Variants in WWOX observed in about 807,000 individuals in gnomAD.
The protein encoded by WWOX is WW domain containing oxidoreductase.
In WWOX, 69 loss-of-function variants were observed where a neutral mutation model predicts 46.2. The observed-to-expected ratio is 1.49, with a 90% CI of 1.23 to 1.82. WWOX has a LOEUF of 1.82. Among genes scored for constraint, WWOX ranks in the 40% most tolerant of loss-of-function variants. WWOX has a pLI of 0.00. For missense variants in WWOX, 919 were observed against 542.6 expected, an observed-to-expected ratio of 1.69 and a Z score of -6.89; for synonymous variants, 359 against 202.6, an observed-to-expected ratio of 1.77 and a Z score of -6.56.
chr16:78,355,287 A>G (rs1466407478), intron 5 of WWOX, among the ~76,000 whole-genome samples: 2 of 151,994 alleles, frequency 1.3e-5, no homozygotes, highest in Admixed American at 6.6e-5. Flanking sequence ...ACATATACGT[A>G]TATGTATGTG....
At chr16:78,728,348 T>C (rs2048886558) in intron 8 of WWOX, among the ~76,000 whole-genome samples, 1 of 152,070 alleles carries the variant, frequency 6.6e-6, no homozygotes, top group Non-Finnish European at 1.5e-5. Context: ...AGGATGATGA[T>C]AGGCAGGAGC....
chr16:79,036,716 G>C (rs959291662), intron 8 of WWOX, among the ~76,000 whole-genome samples: 2 of 152,222 alleles, frequency 1.3e-5, no homozygotes, highest in Non-Finnish European at 2.9e-5. Flanking sequence ...GGATTGATTA[G>C]TGATGTCTGC....
intron 8 of WWOX, among the ~76,000 whole-genome samples, chr16:78,509,450 AATAAT>A (rs1220852516): frequency 3.3e-5 from 5 of 151,582 alleles, no homozygotes; most frequent in African/African-American, 1.2e-4. Context: ...AAAAAAAAAA[AATAAT>A]ATAATAATAA....
At chr16:78,367,776 G>A (rs951524199) in intron 5 of WWOX, among the ~76,000 whole-genome samples, 8 of 150,204 alleles carry the variant, frequency 5.3e-5, no homozygotes, top group South Asian at 4.2e-4. Context: ...TTTTTGTTTC[G>A]AGATGGAGTC....
intron 5 of WWOX, among the ~76,000 whole-genome samples, chr16:78,364,952 A>C (rs1254315652): frequency 6.6e-6 from 1 of 152,148 alleles, no homozygotes; most frequent in Non-Finnish European, 1.5e-5. Flanking sequence ...CCTGGTCCCC[A>C]ACCTTTCTTC....
At chr16:78,908,477 C>T (rs539790604) in intron 8 of WWOX, among the ~76,000 whole-genome samples, 1 of 151,008 alleles carries the variant, frequency 6.6e-6, no homozygotes, top group African/African-American at 2.4e-5. Context: ...GAGGCAGAGG[C>T]TGCAGTGAGT....
In WWOX at chr16:79,025,804, C is replaced by CTTTTTTTTTTTTTTTTTTTT. The variant is rs60681938; in HGVS notation, c.1057-185793_1057-185792insTTTTTTTTTTTTTTTTTTTT. Among the ~76,000 whole-genome samples the CTTTTTTTTTTTTTTTTTTTT allele has an allele frequency of 1.9e-5, 2 of 104,092 alleles. 1 individual carries two copies. 68.3% of individuals were successfully genotyped at this position (104,092 alleles called of 152,430 possible). ...TTCTTTGCTTTGCTTTGCTTGCTTG[C>CTTTTTTTTTTTTTTTTTTTT]TTTTTTTTTTTGAGACGGAGTTTTG... On this transcript the variant is annotated intron_variant, in intron 8 of 8. Coordinates refer to ENST00000566780, the MANE Select transcript of WWOX (RefSeq NM_016373.4).
chr16:78,918,599 A>T (rs2045305938), intron 8 of WWOX, among the ~76,000 whole-genome samples: 1 of 152,198 alleles, frequency 6.6e-6, no homozygotes, highest in Non-Finnish European at 1.5e-5. Flanking sequence ...TATTTTGTGT[A>T]TTCCTGGCAG....
At position 79,041,487 on chromosome 16, in the gene WWOX, G is replaced by C. The variant is rs545274002; in HGVS notation, c.1057-170121G>C. On this transcript the variant is annotated intron_variant, in intron 8 of 8. Coordinates refer to ENST00000566780, the MANE Select transcript of WWOX (RefSeq NM_016373.4). ...CCAGTTTCTCATTAGGAACCTGGAT[G>C]ATGGAGCAGGGATCATGCTCATTAA... Among the ~76,000 whole-genome samples, 48 of 152,338 alleles carry C rather than the reference G, an allele frequency of 3.2e-4. 1 individual carries two copies. The highest frequency in any genetic ancestry group is 1.1e-3 in the African/African-American group (46 of 41,586).
At chr16:78,347,007 G>T (rs1474817897) in intron 5 of WWOX, among the ~76,000 whole-genome samples, 3 of 119,950 alleles carry the variant, frequency 2.5e-5, no homozygotes, top group African/African-American at 8.5e-5. Context: ...TTACAGGTGT[G>T]AGCCACAGCG....
At chr16:78,658,573 T>A (rs1267356541) in intron 8 of WWOX, among the ~76,000 whole-genome samples, 1 of 152,176 alleles carries the variant, frequency 6.6e-6, no homozygotes, top group Non-Finnish European at 1.5e-5. Context: ...GCTCCGTGCC[T>A]CTCCTCCAGC....
At chr16:78,737,375 G>C (rs1294193495) in intron 8 of WWOX, among the ~76,000 whole-genome samples, 1 of 151,722 alleles carries the variant, frequency 6.6e-6, no homozygotes, top group Non-Finnish European at 1.5e-5. Context: ...ACCTCAGAAT[G>C]ATCCGCCTGC....
intron 5 of WWOX, among the ~76,000 whole-genome samples, chr16:78,192,707 T>G (rs536560793): frequency 1.3e-5 from 2 of 152,194 alleles, no homozygotes; most frequent in Admixed American, 6.5e-5. Context: ...GTGGATATAG[T>G]CTCTTCCTTG....
chr16:78,470,715 AT>A (rs1169203965), intron 8 of WWOX, among the ~76,000 whole-genome samples: 1 of 151,964 alleles, frequency 6.6e-6, no homozygotes, highest in Non-Finnish European at 1.5e-5. Flanking sequence ...TTTAGTAGAG[AT>A]GGGGGTTTCA....
chr16:78,269,689 G>A (rs1026145739), intron 5 of WWOX, among the ~76,000 whole-genome samples: 1 of 152,100 alleles, frequency 6.6e-6, no homozygotes, highest in Admixed American at 6.6e-5. Flanking sequence ...AATTTAAACA[G>A]CATTTCAATG....
At chr16:78,424,791 C>T (rs996692455) in intron 6 of WWOX, 79 bp from the exon 7 acceptor site, 17 of 1,501,736 alleles carry the variant, frequency 1.1e-5, no homozygotes, top group Middle Eastern at 1.7e-4. Flanking sequence ...GTCCACATCA[C>T]GTGGATTCCC....
chr16:78,654,281 T>A (rs62036081), intron 8 of WWOX, among the ~76,000 whole-genome samples: 9 of 152,370 alleles, frequency 5.9e-5, no homozygotes, highest in South Asian at 2.1e-4. Context: ...CTTAGTGATA[T>A]GAGAATTATG....
At chr16:78,380,285 A>G (rs959293826) in intron 5 of WWOX, among the ~76,000 whole-genome samples, 8 of 152,184 alleles carry the variant, frequency 5.3e-5, no homozygotes, top group Admixed American at 3.9e-4. Flanking sequence ...TGGAATAGCA[A>G]TTGAAATCTT....
intron 5 of WWOX, among the ~76,000 whole-genome samples, chr16:78,164,999 C>T (rs2034925194): frequency 6.6e-6 from 1 of 152,174 alleles, no homozygotes; most frequent in African/African-American, 2.4e-5. Flanking sequence ...GAAGTATTCT[C>T]TTAGCAGTGA....
Sources: allele counts gnomAD v4.1 joint callset (sites outside exome capture counted in the v4.1 genomes callset), GRCh38; gene constraint gnomAD v4.1.1; transcripts MANE v1.5; gene names NCBI Gene and HGNC (gene_info 2026-07-23, HGNC 2026-07-21).